The following DRD3 variants were observed in gnomAD, a reference collection of about 807,000 sequenced individuals.
The protein encoded by DRD3 is D(3) dopamine receptor.
A neutral mutation model predicts 36.3 loss-of-function variants in DRD3; 19 were observed. The ratio of observed to expected loss-of-function variants is 0.52; its 90% CI spans 0.36 to 0.77. The LOEUF (loss-of-function observed/expected upper bound fraction) is 0.77, where lower values mean the gene tolerates loss of function less well. DRD3 is among the 30% of genes least tolerant of loss of function. The pLI is 0.00. For synonymous variants in DRD3, 195 were observed against 203.7 expected, an observed-to-expected ratio of 0.96 and a Z score of 0.36; for missense variants, 465 against 505.3, an observed-to-expected ratio of 0.92 and a Z score of 0.77.
At chr3:114,188,443 C>T (rs1043699674) in intron 1 of DRD3, among the ~76,000 whole-genome samples, 2 of 152,098 alleles carry the variant, frequency 1.3e-5, no homozygotes, top group African/African-American at 4.8e-5. Flanking sequence ...AACTCCTGAC[C>T]TCAAGTAATC....
intron 3 of DRD3, among the ~76,000 whole-genome samples, chr3:114,148,949 G>T (rs2077592977): frequency 6.6e-6 from 1 of 152,142 alleles, no homozygotes; most frequent in African/African-American, 2.4e-5. Context: ...CTGAACTCAG[G>T]CAATCCACCT....
At chr3:114,184,060 T>G (rs745633451) in intron 1 of DRD3, among the ~76,000 whole-genome samples, 8 of 152,202 alleles carry the variant, frequency 5.3e-5, no homozygotes, top group African/African-American at 7.2e-5. Context: ...TGACTCTTTT[T>G]TGTGTGTGTT....
chr3:114,134,947 T>C (rs1372818060), intron 5 of DRD3, among the ~76,000 whole-genome samples: 1 of 152,174 alleles, frequency 6.6e-6, no homozygotes, highest in East Asian at 1.9e-4. Flanking sequence ...AATCTTTTCT[T>C]CTAGGTATTC....
chr3:114,164,220 C>CAAA lies in DRD3; in HGVS notation c.271-4356_271-4354dup, dbSNP rs34500434. Among the ~76,000 whole-genome samples, 118 of 17,654 alleles carry CAAA rather than the reference C, an allele frequency of 6.7e-3. 1 individual carries two copies. The highest frequency in any genetic ancestry group is 7.7e-3 in the African/African-American group (64 of 8,280). 11.6% of individuals were successfully genotyped at this position (17,654 alleles called of 152,430 possible). Reference sequence around the variant, plus strand: ...TGGGTGATAGAGCGAGCCTCAGTCTCAAAAAAAAAAAAAAAAAAAAAAAAA... The same window carrying CAAA: ...TGGGTGATAGAGCGAGCCTCAGTCTCAAAAAAAAAAAAAAAAAAAAAAAAAAAA... On this transcript the variant is annotated intron_variant, in intron 2 of 6. Transcript: ENST00000383673.
At chr3:114,172,323 C>T (rs111656659) in intron 1 of DRD3, among the ~76,000 whole-genome samples, 2,753 of 152,124 alleles carry the variant, frequency 0.018, 82 homozygotes, top group African/African-American at 0.06. Context: ...AGGTAAGTAA[C>T]GGGTGAAGAT....
chr3:114,178,449 AT>A (rs1279363464), intron 1 of DRD3, among the ~76,000 whole-genome samples: 1 of 152,178 alleles, frequency 6.6e-6, no homozygotes, highest in African/African-American at 2.4e-5. Context: ...GGGGGAAAAA[AT>A]AAAAGAAAAA....
chr3:114,188,204 T>C (rs2077986071), intron 1 of DRD3, among the ~76,000 whole-genome samples: 1 of 150,508 alleles, frequency 6.6e-6, no homozygotes, highest in African/African-American at 2.5e-5. Flanking sequence ...ACATTTCTTT[T>C]TTTCCCTTTT....
chr3:114,168,722 AG>A (rs2107879827), intron 2 of DRD3, among the ~76,000 whole-genome samples: 1 of 152,366 alleles, frequency 6.6e-6, no homozygotes, highest in African/African-American at 2.4e-5. Flanking sequence ...ACCATGGGGC[AG>A]CTGAACCAAC....
chr3:114,151,376 T>C (rs1235079120), intron 3 of DRD3, among the ~76,000 whole-genome samples: 5 of 152,174 alleles, frequency 3.3e-5, no homozygotes, highest in Admixed American at 6.5e-5. Flanking sequence ...CTGACCCTTC[T>C]GTGTATTCAG....
chr3:114,162,744 C>T (rs2077745835), intron 2 of DRD3, among the ~76,000 whole-genome samples: 1 of 152,104 alleles, frequency 6.6e-6, no homozygotes, highest in Admixed American at 6.5e-5. Context: ...TTGTTACACA[C>T]CCTGCTATAG....
At chr3:114,156,783 CTTTCTTTCTTTCTTTCTCTTTTCTT>C (rs2077679383) in intron 3 of DRD3, among the ~76,000 whole-genome samples, 4 of 74,422 alleles carry the variant, frequency 5.4e-5, no homozygotes, top group African/African-American at 9.2e-5. Context: ...TTCTTTCTTT[CTTTCTTTCTTTCTTTCTCTTTTCTT>C]TTTCTTTCTT....
At chr3:114,193,548 C>CT (rs2078022808) in intron 1 of DRD3, among the ~76,000 whole-genome samples, 1 of 152,192 alleles carries the variant, frequency 6.6e-6, no homozygotes, top group Non-Finnish European at 1.5e-5. Context: ...CTATACTGGA[C>CT]TTCTATTTCA....
chr3:114,144,811 C>T (rs2077556653), intron 4 of DRD3, among the ~76,000 whole-genome samples: 1 of 152,176 alleles, frequency 6.6e-6, no homozygotes, highest in South Asian at 2.1e-4. Context: ...AAAGACAGAG[C>T]GATTGTGAGA....
intron 1 of DRD3, 105 bp downstream of exon 1, chr3:114,178,552 A>T (rs559171520): frequency 6.6e-6 from 1 of 152,270 alleles, no homozygotes; most frequent in Admixed American, 6.5e-5. Flanking sequence ...GTGGATATTG[A>T]GTTTTAATGC....
chr3:114,147,318 G>A (rs1222861130), intron 4 of DRD3, 97 bp downstream of exon 4: 32 of 1,464,510 alleles, frequency 2.2e-5, no homozygotes, highest in Non-Finnish European at 2.7e-5. Context: ...TACACTGACC[G>A]GGGGTCAGAA....
chr3:114,146,031 A>G (rs1397015925), intron 4 of DRD3, among the ~76,000 whole-genome samples: 1 of 152,218 alleles, frequency 6.6e-6, no homozygotes, highest in African/African-American at 2.4e-5. Context: ...GACAGCTAGT[A>G]AGTCTGGACT....
chr3:114,137,343 C>A (rs2077483374), intron 5 of DRD3, among the ~76,000 whole-genome samples: 1 of 152,188 alleles, frequency 6.6e-6, no homozygotes, highest in Non-Finnish European at 1.5e-5. Context: ...GAAGAAGGAA[C>A]AGTTAGTTGT....
At chr3:114,156,771 CTTTCTTTCTTTCTTTCTTTCTTT>C (rs2077677753) in intron 3 of DRD3, among the ~76,000 whole-genome samples, 1 of 102,414 alleles carries the variant, frequency 9.8e-6, no homozygotes, top group Non-Finnish European at 2.1e-5. Context: ...TTCTTTCTTT[CTTTCTTTCTTTCTTTCTTTCTTT>C]CTTTCTCTTT....
Position 114,171,859 on chromosome 3 carries a change from A to G in DRD3, c.134T>C (p.Phe45Ser). ...AGCCATGCACACCAGGCCATTGCCG[A>G]AGACGATGGCCAGGATGAGCGCGCA... ...SYCALILAIV[F>S]GNGLVCMAVL... is the part of the protein sequence containing the mutation. The change falls in exon 2 of 7, where the codon TTC (phenylalanine) becomes TCC (serine). Residue 45 changes from phenylalanine to serine, a missense_variant. By Grantham distance (155) the Phe-to-Ser change is radical. Transcript: ENST00000383673. 1 of 1,613,868 alleles carries G rather than the reference A, an allele frequency of 6.2e-7. No homozygotes were observed. The highest frequency in any genetic ancestry group is 8.5e-7 in the Non-Finnish European group (1 of 1,179,868).
Sources: allele counts gnomAD v4.1 joint callset (sites outside exome capture counted in the v4.1 genomes callset), GRCh38; gene constraint gnomAD v4.1.1; transcripts MANE v1.5; gene names NCBI Gene and HGNC (gene_info 2026-07-23, HGNC 2026-07-21).